Variants in ZCCHC17 observed in about 807,000 individuals in gnomAD.
ZCCHC17 encodes zinc finger CCHC domain-containing protein 17.
In ZCCHC17, 18 loss-of-function variants were observed where a neutral mutation model predicts 30.6. That is an observed-to-expected ratio of 0.59 (90% CI 0.41 to 0.87). The LOEUF (loss-of-function observed/expected upper bound fraction) is 0.87, where lower values mean the gene tolerates loss of function less well. ZCCHC17 is among the 40% of genes least tolerant of loss of function. ZCCHC17 has a pLI of 0.00. For synonymous variants in ZCCHC17, 88 were observed against 92.4 expected, an observed-to-expected ratio of 0.95 and a Z score of 0.27; for missense variants, 263 against 284.2, an observed-to-expected ratio of 0.93 and a Z score of 0.54.
At chr1:31,298,944 G>T (rs1646239174) in intron 1 of ZCCHC17, among the ~76,000 whole-genome samples, 4 of 152,204 alleles carry the variant, frequency 2.6e-5, no homozygotes, top group South Asian at 4.1e-4. Flanking sequence ...AGGACTGGAA[G>T]AATGTCTCAG....
chr1:31,332,642 T>A (rs1401351570), intron 3 of ZCCHC17, among the ~76,000 whole-genome samples: 1 of 152,074 alleles, frequency 6.6e-6, no homozygotes, highest in East Asian at 1.9e-4. Flanking sequence ...CTGTTAACAT[T>A]TTGGTGTATT....
At chr1:31,314,315 G>T (rs1646678754) in intron 2 of ZCCHC17, among the ~76,000 whole-genome samples, 1 of 152,012 alleles carries the variant, frequency 6.6e-6, no homozygotes, top group Admixed American at 6.6e-5. Context: ...GGATGGTTTA[G>T]AAGTGACTTG....
chr1:31,302,635 A>G (rs575447229), intron 1 of ZCCHC17, among the ~76,000 whole-genome samples: 1 of 152,200 alleles, frequency 6.6e-6, no homozygotes, highest in Non-Finnish European at 1.5e-5. Context: ...GAGACTGGGT[A>G]ATTATAAAGG....
At chr1:31,338,386 A>C (rs1389175889) in intron 4 of ZCCHC17, among the ~76,000 whole-genome samples, 1 of 152,176 alleles carries the variant, frequency 6.6e-6, no homozygotes, top group East Asian at 1.9e-4. Context: ...GGACTCTTTG[A>C]GGAGATAGAA....
chr1:31,339,003 A>G lies in ZCCHC17; in HGVS notation c.272A>G (p.Asn91Ser), dbSNP rs997145877. 4.3e-6 allele frequency: 7 copies of G among 1,613,068 alleles called. No individual in the cohort carries two copies. Among genetic ancestry groups the G allele is most frequent in the Admixed American group, 1.7e-5 (1 of 59,698 alleles). Residue 91 changes from asparagine to serine, a missense_variant, in exon 5 of 8, where the codon AAT becomes AGT. Transcript: ENST00000344147. The part of the protein sequence containing the change: ...IKVSLSMKVV[N>S]QGTGKDLDPN... ...GTATCCCTCTCCATGAAGGTTGTCAATCAAGGGACTGGGAAAGACCTTGAT... is the reference window on the plus strand; with the variant it reads ...GTATCCCTCTCCATGAAGGTTGTCAGTCAAGGGACTGGGAAAGACCTTGAT...
intron 7 of ZCCHC17, among the ~76,000 whole-genome samples, chr1:31,358,829 G>T (rs1008183250): frequency 3.3e-5 from 5 of 152,066 alleles, no homozygotes; most frequent in Non-Finnish European, 7.4e-5. Flanking sequence ...ATATAAATTT[G>T]GGAGTCATCT....
At chr1:31,312,372 A>G (rs1291466033) in intron 2 of ZCCHC17, among the ~76,000 whole-genome samples, 3 of 152,148 alleles carry the variant, frequency 2.0e-5, no homozygotes, top group Non-Finnish European at 4.4e-5. Context: ...TCTTAGGTGG[A>G]TGGGTAGAAA....
chr1:31,313,449 C>G (rs1646654819), intron 2 of ZCCHC17, among the ~76,000 whole-genome samples: 1 of 152,100 alleles, frequency 6.6e-6, no homozygotes, highest in Admixed American at 6.6e-5. Flanking sequence ...ATATGGTTGA[C>G]AAAAGTTTTA....
chr1:31,298,221 A>G (rs1382941281), intron 1 of ZCCHC17, among the ~76,000 whole-genome samples: 4 of 152,114 alleles, frequency 2.6e-5, no homozygotes, highest in South Asian at 2.1e-4. Context: ...AATGGGTGGG[A>G]CTTGGTGATG....
At chr1:31,323,756 T>C (rs1646917563) in intron 3 of ZCCHC17, among the ~76,000 whole-genome samples, 1 of 152,240 alleles carries the variant, frequency 6.6e-6, no homozygotes, top group Admixed American at 6.5e-5. Context: ...TTGAGATTAA[T>C]AAATATTTTA....
intron 2 of ZCCHC17, among the ~76,000 whole-genome samples, chr1:31,312,752 A>T (rs1310239655): frequency 6.6e-6 from 1 of 152,188 alleles, no homozygotes; most frequent in African/African-American, 2.4e-5. Context: ...TTACAAGAGC[A>T]TGTAGTTTGC....
At position 31,329,612 on chromosome 1, in the gene ZCCHC17, G is replaced by A. The variant is rs552149087; in HGVS notation, c.125-7563G>A. ...TCTAGTGATGTAAACAAATTAGAGT[G>A]GCGTGTAATAAAAATGAGTGTTGTT... On this transcript the variant is annotated intron_variant, in intron 3 of 7. Transcript: ENST00000344147. Among the ~76,000 whole-genome samples, 4 of 152,300 alleles carry A rather than the reference G, an allele frequency of 2.6e-5. No homozygotes were observed. The East Asian group carries it at 7.7e-4, about 29-fold the overall frequency.
chr1:31,318,519 T>C (rs1646788262), intron 2 of ZCCHC17, among the ~76,000 whole-genome samples: 1 of 152,154 alleles, frequency 6.6e-6, no homozygotes, highest in East Asian at 1.9e-4. Context: ...ATTAGATCTT[T>C]TCAGGTTCTG....
rs1311059451 is a variant in ZCCHC17, at chr1:31,346,641, C to A, written c.319C>A (p.Gln107Lys). ...DLDPNNVIIE[Q>K]EERRRRSFQD... is the part of the protein sequence containing the mutation. The stretch of plus-strand genomic sequence containing the variant: ...CAGTCGGTATCTTTTTCATTATAGG[C>A]AAGAAGAGAGGCGGAGGCGATCCTT... Residue 107 changes from glutamine (Q) to lysine (K), a missense_variant and splice_region_variant, in exon 6 of 8, where the codon CAA becomes AAA. By Grantham distance (53) the Gln-to-Lys change is moderately conservative (BLOSUM62 1). Transcript: ENST00000344147. The A allele has an allele frequency of 1.2e-6, 2 of 1,607,412 alleles. No homozygotes were observed. The highest frequency in any genetic ancestry group is 2.7e-5 in the African/African-American group (2 of 74,768).
chr1:31,299,110 G>A (rs996667017), intron 1 of ZCCHC17, among the ~76,000 whole-genome samples: 6 of 152,176 alleles, frequency 3.9e-5, no homozygotes, highest in Admixed American at 2.0e-4. Context: ...ATGAGGCAAG[G>A]ATTTGGACAA....
At chr1:31,319,031 T>A (rs1646798694) in intron 2 of ZCCHC17, 78 bp from the exon 3 acceptor site, 9 of 1,511,746 alleles carry the variant, frequency 6.0e-6, no homozygotes, top group African/African-American at 1.4e-5. Context: ...AAGTACAGAT[T>A]TGGGGAGACT....
intron 1 of ZCCHC17, among the ~76,000 whole-genome samples, chr1:31,307,465 A>G (rs1159307967): frequency 4.0e-5 from 6 of 149,234 alleles, no homozygotes; most frequent in Non-Finnish European, 7.4e-5. Context: ...GCTGGAGTGC[A>G]GTGGCCCAAT....
intron 5 of ZCCHC17, among the ~76,000 whole-genome samples, chr1:31,342,265 A>C (rs988947578): frequency 1.3e-5 from 2 of 151,990 alleles, no homozygotes; most frequent in Non-Finnish European, 2.9e-5. Flanking sequence ...GGCAGGTGTC[A>C]AACTCCTGAC....
chr1:31,297,456 TGA>T (rs1646192949), intron 1 of ZCCHC17, among the ~76,000 whole-genome samples: 1 of 152,196 alleles, frequency 6.6e-6, no homozygotes, highest in African/African-American at 2.4e-5. Context: ...TATGCCCCCC[TGA>T]GAGAGACAGT....
Sources: gnomAD v4.1 joint callset for allele counts (sites outside exome capture counted in the v4.1 genomes callset) on GRCh38, gnomAD v4.1.1 for gene constraint, MANE v1.5 for transcripts, NCBI Gene and HGNC (gene_info 2026-07-23, HGNC 2026-07-21) for gene names.